The following BICRAL variants were observed in gnomAD, a reference collection of about 807,000 sequenced individuals.
BICRAL encodes the protein BRD4-interacting chromatin-remodeling complex-associated protein-like.
BICRAL carries 8 observed loss-of-function variants against 91.8 expected under a neutral mutation model. The ratio of observed to expected loss-of-function variants is 0.09; its 90% confidence interval spans 0.05 to 0.16. BICRAL has a LOEUF of 0.16. Among genes scored for constraint, BICRAL ranks in the 10% least tolerant of loss-of-function variants. The probability of loss-of-function intolerance (pLI) is 1.00; values close to 1 mark genes in which losing one functional copy is unlikely to be tolerated. For missense variants in BICRAL, 1,038 were observed against 1,310.9 expected (o/e 0.79, Z 3.21); for synonymous variants, 445 against 491.1 (o/e 0.91, Z 1.24).
rs9471932 is a variant in BICRAL at position 42,857,169 on chromosome 6, G to A, written c.2187G>A (p.Ala729=). 0.058 allele frequency: 93,090 copies of A among 1,612,598 alleles called. 2,861 individuals carry two copies. Among genetic ancestry groups the A allele is most frequent in the African/African-American group, 0.084 (6,325 of 74,896 alleles). Residue 729 remains alanine, a synonymous_variant, in exon 10 of 13, where the codon GCG becomes GCA. Transcript: ENST00000314073. ...GTCACTTCCGATCACTAAGTGATGC[G>A]GTACAGAGACTGCTCTCCTACCACG... ...DKSHFRSLSD[A]VQRLLSYHVC... is the part of the protein sequence containing the mutation.
upstream of BICRAL, among the ~76,000 whole-genome samples, chr6:42,781,545 T>G (rs1442267737): frequency 6.7e-6 from 1 of 148,818 alleles, no homozygotes; most frequent in East Asian, 2.0e-4. Context: ...TTTTTTTTTT[T>G]GTCTTTAATC....
At chr6:42,787,181 C>A (rs1763125649) in intron 1 of BICRAL, among the ~76,000 whole-genome samples, 3 of 152,002 alleles carry the variant, frequency 2.0e-5, no homozygotes. Flanking sequence ...AATGGGTTGG[C>A]TGTGGAGGGA....
chr6:42,806,979 C>T (rs1272850240), intron 1 of BICRAL, among the ~76,000 whole-genome samples: 3 of 151,682 alleles, frequency 2.0e-5, no homozygotes, highest in Admixed American at 6.6e-5. Flanking sequence ...TACAGGTACC[C>T]GTCAACAGTC....
In BICRAL at chr6:42,811,482, G is replaced by A. The variant is rs185370647; in HGVS notation, c.-6+1081G>A. Among the ~76,000 whole-genome samples the A allele has an allele frequency of 7.2e-3, 1,095 of 152,182 alleles. 6 individuals carry two copies. Among genetic ancestry groups the A allele is most frequent in the African/African-American group, 0.023 (963 of 41,532 alleles). On this transcript the variant is annotated intron_variant, in intron 2 of 12. Coordinates refer to ENST00000314073, the MANE Select transcript of BICRAL (RefSeq NM_001393499.1). ...CTAAAAATACAAAAATTAGCTGGGC[G>A]TGGTGGCGCACGCCTGTAATCCCAG...
At chr6:42,845,630 C>T (rs938766746) in intron 6 of BICRAL, among the ~76,000 whole-genome samples, 1 of 152,032 alleles carries the variant, frequency 6.6e-6, no homozygotes, top group South Asian at 2.1e-4. Flanking sequence ...ATTGTTCTCC[C>T]TCCTTGTTCT....
At chr6:42,772,050 G>C (rs1033409743) in intron 1 of BICRAL, among the ~76,000 whole-genome samples, 3 of 152,044 alleles carry the variant, frequency 2.0e-5, no homozygotes, top group Non-Finnish European at 4.4e-5. Flanking sequence ...TAATAGAGGC[G>C]TGTATAGAGT....
rs1765337698 is a variant in BICRAL at position 42,855,939 on chromosome 6, C to T, written c.2108+22C>T. The T allele has an allele frequency of 2.5e-6, 4 of 1,594,742 alleles. No individual in the cohort carries two copies. The South Asian group carries it at 4.4e-5, about 18-fold the overall frequency. The stretch of plus-strand genomic sequence containing the variant: ...CTTTGTGAGTTACTCTCGGAAATGA[C>T]AAATCAATTCTGAACACTTCTTTGG... On this transcript the variant is annotated intron_variant, in intron 9 of 12. Transcript: ENST00000314073.
chr6:42,846,376 A>T (rs1765010961), intron 6 of BICRAL, among the ~76,000 whole-genome samples: 1 of 149,962 alleles, frequency 6.7e-6, no homozygotes, highest in Non-Finnish European at 1.5e-5. Context: ...TCAAAAAAAT[A>T]AAATAAACAA....
intron 6 of BICRAL, among the ~76,000 whole-genome samples, chr6:42,840,247 G>A (rs1224931897): frequency 1.7e-5 from 2 of 118,730 alleles, no homozygotes; most frequent in East Asian, 2.8e-4. Flanking sequence ...TTGTTTGTTT[G>A]TTTGTTTGTT....
chr6:42,784,232 T>C (rs1763035441), intron 1 of BICRAL, among the ~76,000 whole-genome samples: 2 of 152,220 alleles, frequency 1.3e-5, no homozygotes, highest in South Asian at 4.1e-4. Flanking sequence ...AGTCTGAAAC[T>C]CTTCTAAAAA....
chr6:42,762,366 A>G (rs1762563672), intron 1 of BICRAL, among the ~76,000 whole-genome samples: 1 of 152,222 alleles, frequency 6.6e-6, no homozygotes, highest in Non-Finnish European at 1.5e-5. Context: ...ATAAAGATAT[A>G]TAGTGATTTC....
chr6:42,788,075 AT>A (rs1422353078), intron 1 of BICRAL, among the ~76,000 whole-genome samples: 1 of 151,640 alleles, frequency 6.6e-6, no homozygotes, highest in Non-Finnish European at 1.5e-5. Context: ...TTAAAAAAAA[AT>A]TTTTTTTATA....
intron 1 of BICRAL, among the ~76,000 whole-genome samples, chr6:42,800,284 C>G (rs1562467826): frequency 6.6e-6 from 1 of 152,024 alleles, no homozygotes; most frequent in African/African-American, 2.4e-5. Context: ...AGGCTGGTCT[C>G]CAACTCCTTA....
chr6:42,851,363 T>A (rs539294526), intron 6 of BICRAL, among the ~76,000 whole-genome samples: 169 of 151,808 alleles, frequency 1.1e-3, no homozygotes, highest in Non-Finnish European at 1.4e-3. Flanking sequence ...GGCAAAAAAA[T>A]AATAATAATA....
intron 8 of BICRAL, among the ~76,000 whole-genome samples, 169 bp downstream of exon 8, chr6:42,853,907 G>C (rs1221751152): frequency 6.6e-6 from 1 of 152,140 alleles, no homozygotes; most frequent in African/African-American, 2.4e-5. Flanking sequence ...GCTGGGCCTT[G>C]TTATGTTTAT....
At chr6:42,805,051 G>A (rs1471901576) in intron 1 of BICRAL, among the ~76,000 whole-genome samples, 1 of 152,140 alleles carries the variant, frequency 6.6e-6, no homozygotes, top group Non-Finnish European at 1.5e-5. Flanking sequence ...GAAGATAATC[G>A]CACAGAGCAG....
At chr6:42,855,048 A>G (rs1470271456) in intron 8 of BICRAL, among the ~76,000 whole-genome samples, 1 of 152,222 alleles carries the variant, frequency 6.6e-6, no homozygotes, top group Non-Finnish European at 1.5e-5. Flanking sequence ...TGCCTGGAAT[A>G]CACAGTGAAG....
At chr6:42,767,314 G>A (rs1294871144) in intron 1 of BICRAL, among the ~76,000 whole-genome samples, 2 of 152,078 alleles carry the variant, frequency 1.3e-5, no homozygotes, top group Non-Finnish European at 2.9e-5. Flanking sequence ...ATTAATTAAT[G>A]TCATTTAATT....
chr6:42,868,102 C>T lies in BICRAL; in HGVS notation c.*2656C>T, dbSNP rs1370210237. Reference sequence around the variant, plus strand: ...TTTTTTTTTTTCTGTTGTGGAAAAGCGTGAATTTGTTATTAAGCATTTGAT... The same window carrying T: ...TTTTTTTTTTTCTGTTGTGGAAAAGTGTGAATTTGTTATTAAGCATTTGAT... On this transcript the variant is annotated 3_prime_UTR_variant, in exon 13 of 13. Coordinates refer to ENST00000314073, the MANE Select transcript of BICRAL (RefSeq NM_001393499.1). 2.1e-5 allele frequency: 3 copies of T among 141,452 alleles called. No homozygotes were observed. Among genetic ancestry groups the T allele is most frequent in the South Asian group, 2.2e-4 (1 of 4,538 alleles). The allele number at this position is 141,452 out of a possible 1,614,324, so 8.8% of individuals were successfully genotyped here. A position where few individuals can be genotyped will look rare whatever the true frequency, so the allele number is the denominator to read the frequency against.
Sources: gnomAD v4.1 joint callset for allele counts (sites outside exome capture counted in the v4.1 genomes callset) on GRCh38, gnomAD v4.1.1 for gene constraint, MANE v1.5 for transcripts, NCBI Gene and HGNC (gene_info 2026-07-23, HGNC 2026-07-21) for gene names.